The following DYM variants were observed in gnomAD, a reference collection of about 807,000 sequenced individuals.
DYM encodes dyggve-Melchior-Clausen syndrome protein.
DYM carries 78 observed loss-of-function variants against 93.1 expected under a neutral mutation model. The ratio of observed to expected loss-of-function variants is 0.84; its 90% CI spans 0.70 to 1.01. DYM has a LOEUF of 1.01. DYM is among the 50% of genes least tolerant of loss of function. DYM has a pLI of 0.00. For missense variants in DYM, 789 were observed against 845.0 expected (o/e 0.93, Z 0.82); for synonymous variants, 321 against 319.7 (o/e 1.00, Z -0.04).
intron 10 of DYM, among the ~76,000 whole-genome samples, chr18:49,278,125 A>G (rs1267771325): frequency 6.6e-6 from 1 of 152,244 alleles, no homozygotes; most frequent in Non-Finnish European, 1.5e-5. Flanking sequence ...TAAAAACCAC[A>G]TTCAGAAAAT....
chr18:49,154,005 T>C (rs1203564178), intron 15 of DYM, among the ~76,000 whole-genome samples: 1 of 152,188 alleles, frequency 6.6e-6, no homozygotes, highest in Non-Finnish European at 1.5e-5. Flanking sequence ...CATATCAATA[T>C]CATGTATTTC....
At chr18:49,454,979 C>G (rs200052702) in intron 1 of DYM, among the ~76,000 whole-genome samples, 1 of 150,510 alleles carries the variant, frequency 6.6e-6, no homozygotes, top group Non-Finnish European at 1.5e-5. Context: ...CTCTCTCTCT[C>G]TCTCAAGGAG....
chr18:49,350,261 T>C (rs1418985670), intron 6 of DYM, among the ~76,000 whole-genome samples: 1 of 152,174 alleles, frequency 6.6e-6, no homozygotes, highest in Non-Finnish European at 1.5e-5. Flanking sequence ...TAAATTTTCA[T>C]AAGATACTGA....
chr18:49,330,764 A>C (rs1349395939), intron 8 of DYM, among the ~76,000 whole-genome samples: 1 of 152,212 alleles, frequency 6.6e-6, no homozygotes. Flanking sequence ...GGACACAAAA[A>C]GCCCCTGAAA....
chr18:49,108,373 C>T (rs897753830), intron 16 of DYM, among the ~76,000 whole-genome samples: 5 of 152,228 alleles, frequency 3.3e-5, no homozygotes, highest in Non-Finnish European at 7.3e-5. Context: ...CAATGCCTCG[C>T]CCTGCTTCGG....
At position 49,268,368 on chromosome 18, in the gene DYM, G is replaced by A. The variant is rs192125998; in HGVS notation, c.1251+3810C>T. On this transcript the variant is annotated intron_variant, in intron 11 of 17. Transcript: ENST00000675505. ...GTGTTTCAATATTTGAATTTGAAAT[G>A]TCATCTAAAATATCCTGAAATCCAA... Among the ~76,000 whole-genome samples, 989 of 152,288 alleles carry A rather than the reference G, an allele frequency of 6.5e-3. 13 individuals are homozygous for A. The highest frequency in any genetic ancestry group is 0.023 in the African/African-American group (938 of 41,548).
intron 13 of DYM, among the ~76,000 whole-genome samples, chr18:49,213,150 C>T (rs767967985): frequency 1.8e-4 from 27 of 152,066 alleles, no homozygotes; most frequent in Non-Finnish European, 4.0e-4. Context: ...TGTCCTAGAA[C>T]AACATTCAAG....
chr18:49,276,109 G>T (rs1366386958), intron 10 of DYM, among the ~76,000 whole-genome samples: 1 of 152,000 alleles, frequency 6.6e-6, no homozygotes, highest in Non-Finnish European at 1.5e-5. Flanking sequence ...GTAAAATGTT[G>T]AATGAAATGG....
intron 17 of DYM, among the ~76,000 whole-genome samples, chr18:49,090,616 A>G (rs922810609): frequency 2.0e-5 from 3 of 152,186 alleles, no homozygotes; most frequent in Non-Finnish European, 4.4e-5. Flanking sequence ...TGGATCAGGG[A>G]AAGTAGAGAG....
chr18:49,361,145 G>A (rs1001628464), intron 6 of DYM, among the ~76,000 whole-genome samples: 1 of 152,184 alleles, frequency 6.6e-6, no homozygotes, highest in African/African-American at 2.4e-5. Flanking sequence ...GAATGGAAGG[G>A]GAGAAAGGAT....
At chr18:49,235,100 C>A (rs2093821696) in intron 13 of DYM, among the ~76,000 whole-genome samples, 1 of 152,194 alleles carries the variant, frequency 6.6e-6, no homozygotes, top group Non-Finnish European at 1.5e-5. Flanking sequence ...AAACCTGGAA[C>A]AGAGAAACCA....
chr18:49,332,301 T>G (rs1195425780), intron 7 of DYM, among the ~76,000 whole-genome samples: 21 of 152,166 alleles, frequency 1.4e-4, no homozygotes, highest in Non-Finnish European at 2.4e-4. Context: ...AAGGTCTCAC[T>G]ATGTTGCCCA....
chr18:49,206,309 T>A (rs1242088658), intron 14 of DYM: 1 of 155,946 alleles, frequency 6.4e-6, no homozygotes, highest in Admixed American at 6.5e-5. Context: ...GTAAAGTTCT[T>A]TTTTAAGAAA....
intron 13 of DYM, among the ~76,000 whole-genome samples, chr18:49,233,342 G>A (rs1453060702): frequency 6.8e-6 from 1 of 147,930 alleles, no homozygotes; most frequent in Non-Finnish European, 1.5e-5. Context: ...CTGGGTGACA[G>A]GGCAAGATTC....
chr18:49,287,088 G>A (rs550298334), intron 8 of DYM, among the ~76,000 whole-genome samples: 1 of 151,990 alleles, frequency 6.6e-6, no homozygotes, highest in African/African-American at 2.4e-5. Context: ...CTACTTGGCT[G>A]AGGCAAAAGA....
At chr18:49,128,043 A>T (rs966218186) in intron 15 of DYM, among the ~76,000 whole-genome samples, 1 of 152,212 alleles carries the variant, frequency 6.6e-6, no homozygotes, top group African/African-American at 2.4e-5. Context: ...TTTAACATAC[A>T]CTACTGCAAA....
chr18:49,096,677 G>A (rs756853667), intron 17 of DYM, among the ~76,000 whole-genome samples: 1 of 152,168 alleles, frequency 6.6e-6, no homozygotes, highest in Non-Finnish European at 1.5e-5. Context: ...AATTAGTCTT[G>A]AAGTATGAGT....
intron 13 of DYM, among the ~76,000 whole-genome samples, chr18:49,250,853 A>C (rs1300991690): frequency 6.6e-6 from 1 of 152,266 alleles, no homozygotes; most frequent in Non-Finnish European, 1.5e-5. Flanking sequence ...GTAAAGCAGA[A>C]GCAGTGGGTA....
intron 17 of DYM, among the ~76,000 whole-genome samples, chr18:49,068,927 C>T (rs571236087): frequency 6.6e-6 from 1 of 152,142 alleles, no homozygotes; most frequent in East Asian, 1.9e-4. Flanking sequence ...TAAATACAAA[C>T]ACTGGAACCA....
Sources: gnomAD v4.1 joint callset for allele counts (sites outside exome capture counted in the v4.1 genomes callset) on GRCh38, gnomAD v4.1.1 for gene constraint, MANE v1.5 for transcripts, NCBI Gene and HGNC (gene_info 2026-07-23, HGNC 2026-07-21) for gene names.